The following ASIC2 variants were observed in gnomAD, a reference collection of about 807,000 sequenced individuals.
The protein encoded by ASIC2 is acid-sensing ion channel 2.
In ASIC2, 25 loss-of-function variants were observed where a neutral mutation model predicts 57.3. The observed-to-expected ratio is 0.44, with a 90% confidence interval of 0.32 to 0.61. The LOEUF (loss-of-function observed/expected upper bound fraction) is 0.61, where lower values mean the gene tolerates loss of function less well. ASIC2 is among the 20% of genes least tolerant of loss of function. ASIC2 has a pLI of 0.06. For synonymous variants in ASIC2, 319 were observed against 307.5 expected, an observed-to-expected ratio of 1.04 and a Z score of -0.39; for missense variants, 641 against 738.1, an observed-to-expected ratio of 0.87 and a Z score of 1.52.
At chr17:33,505,467 A>G (rs895605987) in intron 1 of ASIC2, among the ~76,000 whole-genome samples, 2 of 152,066 alleles carry the variant, frequency 1.3e-5, no homozygotes, top group Non-Finnish European at 2.9e-5. Context: ...TTTATTGCCA[A>G]ATCTATAGAT....
chr17:33,750,235 C>T (rs1567705722), intron 1 of ASIC2, among the ~76,000 whole-genome samples: 1 of 152,106 alleles, frequency 6.6e-6, no homozygotes, highest in Non-Finnish European at 1.5e-5. Flanking sequence ...GCCCTTGTCC[C>T]ACTCTGCAGA....
chr17:33,651,165 G>A (rs1300070677), intron 1 of ASIC2, among the ~76,000 whole-genome samples: 2 of 152,024 alleles, frequency 1.3e-5, no homozygotes, highest in African/African-American at 2.4e-5. Context: ...CTGCTAAACC[G>A]GTGAGATCTG....
intron 1 of ASIC2, among the ~76,000 whole-genome samples, chr17:33,255,720 G>A (rs776206335): frequency 7.2e-5 from 11 of 152,060 alleles, no homozygotes; most frequent in Non-Finnish European, 1.3e-4. Flanking sequence ...AATAGAAAAC[G>A]AAAGGCTCTA....
intron 1 of ASIC2, among the ~76,000 whole-genome samples, chr17:34,106,443 C>T (rs917683286): frequency 6.6e-6 from 1 of 152,102 alleles, no homozygotes. Flanking sequence ...AGCACTCCTT[C>T]CATATTGATT....
chr17:33,318,178 C>T (rs34681898), intron 1 of ASIC2, among the ~76,000 whole-genome samples: 30,201 of 151,996 alleles, frequency 0.2, 3,123 homozygotes, highest in East Asian at 0.37. Context: ...TCTTTCTCTT[C>T]GAGGGGGCTT....
chr17:33,967,557 C>A (rs529402614), intron 1 of ASIC2, among the ~76,000 whole-genome samples: 3 of 152,276 alleles, frequency 2.0e-5, no homozygotes, highest in African/African-American at 7.2e-5. Flanking sequence ...TTAAACACAA[C>A]TTTGAAGGTG....
At chr17:33,286,658 A>G (rs2142175903) in intron 1 of ASIC2, among the ~76,000 whole-genome samples, 2 of 151,994 alleles carry the variant, frequency 1.3e-5, no homozygotes, top group Admixed American at 1.3e-4. Flanking sequence ...CTCCTTTTCT[A>G]CTTTGGAGCT....
At chr17:33,338,024 A>G (rs1335266848) in intron 1 of ASIC2, among the ~76,000 whole-genome samples, 225 of 101,752 alleles carry the variant, frequency 2.2e-3, no homozygotes, top group Middle Eastern at 0.017. Context: ...TGTTCCTTCT[A>G]AGGTGTTCTG....
At chr17:33,940,782 T>C (rs1313208586) in intron 1 of ASIC2, among the ~76,000 whole-genome samples, 2 of 152,236 alleles carry the variant, frequency 1.3e-5, no homozygotes, top group Non-Finnish European at 2.9e-5. Flanking sequence ...ATGGGGGATC[T>C]GATCTAGTCT....
chr17:34,040,329 A>G (rs948913331), intron 1 of ASIC2, among the ~76,000 whole-genome samples: 1 of 144,616 alleles, frequency 6.9e-6, no homozygotes, highest in Non-Finnish European at 1.5e-5. Flanking sequence ...GGTCCGGATT[A>G]GTAGTGATCG....
intron 1 of ASIC2, among the ~76,000 whole-genome samples, chr17:33,893,665 G>A (rs189088913): frequency 2.6e-5 from 4 of 152,136 alleles, no homozygotes; most frequent in Non-Finnish European, 5.9e-5. Context: ...GGTCTCAAAG[G>A]TCCATTCTGG....
intron 1 of ASIC2, chr17:34,039,262 T>G: frequency 1.2e-6 from 2 of 1,613,994 alleles, no homozygotes; most frequent in Non-Finnish European, 1.7e-6. Context: ...CTGTCTGTGC[T>G]GGATGGAGAT....
chr17:33,224,424 G>A lies in ASIC2; in HGVS notation c.708+66984C>T, dbSNP rs1195343001. Among the ~76,000 whole-genome samples, 5 of 152,292 alleles carry A rather than the reference G, an allele frequency of 3.3e-5. No homozygotes were observed. The East Asian group carries it at 9.6e-4, about 29-fold the overall frequency. Reference sequence around the variant, plus strand: ...CAGAGAGGGGAGGAGAGTGGTCAGAGGAGTGAGATCAAGAGGAGAAAGGTA... The same window carrying A: ...CAGAGAGGGGAGGAGAGTGGTCAGAAGAGTGAGATCAAGAGGAGAAAGGTA... On this transcript the variant is annotated intron_variant, in intron 1 of 9. Transcript: ENST00000225823.
chr17:34,097,413 G>A (rs947231941), intron 1 of ASIC2, among the ~76,000 whole-genome samples: 4 of 152,130 alleles, frequency 2.6e-5, no homozygotes, highest in Non-Finnish European at 5.9e-5. Flanking sequence ...TACATGTTGT[G>A]GGTTGAATAG....
intron 3 of ASIC2, among the ~76,000 whole-genome samples, chr17:33,049,820 G>C (rs1190466987): frequency 6.6e-6 from 1 of 152,186 alleles, no homozygotes; most frequent in Non-Finnish European, 1.5e-5. Context: ...GCGCTCCAAA[G>C]TGTGCTCCTC....
At chr17:33,082,676 G>A (rs921382812) in intron 3 of ASIC2, among the ~76,000 whole-genome samples, 35 of 151,394 alleles carry the variant, frequency 2.3e-4, no homozygotes, top group African/African-American at 8.0e-4. Flanking sequence ...TCCACCCTGG[G>A]CGACAGAGTG....
intron 1 of ASIC2, among the ~76,000 whole-genome samples, chr17:33,361,500 C>A (rs1197713140): frequency 6.6e-6 from 1 of 152,154 alleles, no homozygotes; most frequent in Non-Finnish European, 1.5e-5. Flanking sequence ...TAACAAGAAC[C>A]AACTTCTGGA....
At chr17:33,113,367 C>T (rs771619876) in intron 1 of ASIC2, among the ~76,000 whole-genome samples, 4 of 152,182 alleles carry the variant, frequency 2.6e-5, no homozygotes, top group African/African-American at 4.8e-5. Flanking sequence ...ACAAATGCTA[C>T]GGGTTATGAT....
chr17:33,852,656 A>G (rs1177374145), intron 1 of ASIC2, among the ~76,000 whole-genome samples: 1 of 151,508 alleles, frequency 6.6e-6, no homozygotes. Context: ...GTCTGATTGC[A>G]AAGCCATCTT....
Sources: allele counts gnomAD v4.1 joint callset (sites outside exome capture counted in the v4.1 genomes callset), GRCh38; gene constraint gnomAD v4.1.1; transcripts MANE v1.5; gene names NCBI Gene and HGNC (gene_info 2026-07-23, HGNC 2026-07-21).